Variants in GTPBP1 observed in about 807,000 individuals in gnomAD.
The protein encoded by GTPBP1 is GTP-binding protein 1.
In GTPBP1, 23 loss-of-function variants were observed where a neutral mutation model predicts 62.0. The ratio of observed to expected loss-of-function variants is 0.37; its 90% confidence interval spans 0.27 to 0.53. The LOEUF is 0.53. GTPBP1 is among the 20% of genes least tolerant of loss of function. The probability of loss-of-function intolerance (pLI) is 0.89; values close to 1 mark genes in which losing one functional copy is unlikely to be tolerated. For synonymous variants in GTPBP1, 344 were observed against 364.4 expected, an observed-to-expected ratio of 0.94 and a Z score of 0.64; for missense variants, 640 against 917.3, an observed-to-expected ratio of 0.70 and a Z score of 3.90.
intron 5 of GTPBP1, chr22:38,723,539 G>C: frequency 1.6e-6 from 1 of 623,242 alleles, no homozygotes; most frequent in Non-Finnish European, 2.9e-6. Context: ...CCTTTGTCTT[G>C]TACTTAGGTC....
downstream of GTPBP1, chr22:38,734,403 T>A (rs1603207318): frequency 2.5e-6 from 1 of 398,044 alleles, no homozygotes; most frequent in Admixed American, 3.1e-5. Context: ...GGTAGGTAAG[T>A]GTAACTTTTT....
intron 4 of GTPBP1, among the ~76,000 whole-genome samples, chr22:38,720,270 A>AG (rs1328943345): frequency 2.0e-5 from 3 of 151,874 alleles, no homozygotes; most frequent in Middle Eastern, 3.4e-3. Context: ...CCCAGGCTGG[A>AG]GTGCAATGGC....
chr22:38,723,058 A>T, intron 5 of GTPBP1: 2 of 781,720 alleles, frequency 2.6e-6, no homozygotes, highest in Non-Finnish European at 4.7e-6. Flanking sequence ...CCAAACCACC[A>T]TTATTTCTTG....
chr22:38,726,277 C>T lies in GTPBP1; in HGVS notation c.1238C>T (p.Ser413Leu). The part of the protein sequence containing the change: ...YSVPGVGTVV[S>L]GTTLRGLIKL... Reference sequence around the variant, plus strand: ...TGGCAGGGTGTGGGGACAGTGGTTTCGGGGACAACACTGAGAGGCCTGATC... The same window carrying T: ...TGGCAGGGTGTGGGGACAGTGGTTTTGGGGACAACACTGAGAGGCCTGATC... The change falls in exon 8 of 12, where the codon TCG (serine) becomes TTG (leucine). Residue 413 changes from serine (S) to leucine (L), a missense_variant. By Grantham distance (145) the Ser-to-Leu change is moderately radical. Transcript: ENST00000216044. The surrounding 1 kb of genome is among the most constrained non-coding windows in gnomAD (Gnocchi z 4.1). 6 of 1,613,860 alleles carry T rather than the reference C, an allele frequency of 3.7e-6. No homozygotes were observed. The highest frequency in any genetic ancestry group is 1.6e-4 in the Middle Eastern group (1 of 6,062).
At chr22:38,719,254 ACCTTGG>A (rs2145861297) in intron 4 of GTPBP1, among the ~76,000 whole-genome samples, 1 of 152,236 alleles carries the variant, frequency 6.6e-6, no homozygotes, top group East Asian at 1.9e-4. Flanking sequence ...CAATCTGCCC[ACCTTGG>A]CCTCCCAAAG....
chr22:38,720,537 C>T (rs1477229840), intron 4 of GTPBP1, among the ~76,000 whole-genome samples: 2 of 152,064 alleles, frequency 1.3e-5, no homozygotes, highest in Admixed American at 1.3e-4. Flanking sequence ...GCTGAACACT[C>T]ACCTCTTTTT....
downstream of GTPBP1, chr22:38,740,517 G>T: frequency 1.5e-6 from 2 of 1,375,608 alleles, no homozygotes; most frequent in Non-Finnish European, 1.9e-6. This position sits in a 1 kb window ranked among gnomAD's most constrained non-coding sequence, Gnocchi z 4.8. Flanking sequence ...ACCCCCTAGT[G>T]GGCTCCCGTC....
At chr22:38,713,455 T>TA (rs2092651620) in intron 2 of GTPBP1, among the ~76,000 whole-genome samples, 1 of 152,102 alleles carries the variant, frequency 6.6e-6, no homozygotes, top group African/African-American at 2.4e-5. Flanking sequence ...TCAGGTAGAA[T>TA]AACAGCCTGA....
intron 5 of GTPBP1, among the ~76,000 whole-genome samples, chr22:38,723,696 T>C (rs1418070008): frequency 6.6e-6 from 1 of 152,230 alleles, no homozygotes; most frequent in Admixed American, 6.5e-5. Flanking sequence ...TGGCACCTCT[T>C]TTCAGGTGAC....
downstream of GTPBP1, chr22:38,738,733 A>T: frequency 6.2e-7 from 1 of 1,613,592 alleles, no homozygotes. This position sits in a 1 kb window ranked among gnomAD's most constrained non-coding sequence, Gnocchi z 6.6. Flanking sequence ...AAGGCCCAGC[A>T]GTTGCCTGGG....
downstream of GTPBP1, chr22:38,741,038 G>A (rs143685496): frequency 6.3e-7 from 1 of 1,597,796 alleles, no homozygotes. Context: ...TGCTGGATGC[G>A]AGCCTCGGAC....
At chr22:38,707,132 A>T (rs115841959) in intron 1 of GTPBP1, among the ~76,000 whole-genome samples, 311 of 152,374 alleles carry the variant, frequency 2.0e-3, no homozygotes, top group Middle Eastern at 6.8e-3. Flanking sequence ...GACACCTAAT[A>T]GTGCCTGATG....
At chr22:38,711,291 C>G (rs1383900086) in intron 2 of GTPBP1, among the ~76,000 whole-genome samples, 1 of 152,148 alleles carries the variant, frequency 6.6e-6, no homozygotes, top group African/African-American at 2.4e-5. Flanking sequence ...AGAATACATT[C>G]TTAATGTTGA....
chr22:38,727,105 A>G lies in GTPBP1; in HGVS notation c.1402-108A>G, dbSNP rs1413590307. The G allele has an allele frequency of 9.2e-7, 1 of 1,088,820 alleles. No individual in the cohort carries two copies. Among genetic ancestry groups the G allele is most frequent in the African/African-American group, 1.6e-5 (1 of 60,978 alleles). 67.4% of individuals were successfully genotyped at this position (1,088,820 alleles called of 1,614,324 possible). On this transcript the variant is annotated intron_variant, in intron 8 of 11. Coordinates refer to ENST00000216044, the MANE Select transcript of GTPBP1 (RefSeq NM_004286.5). The surrounding 1 kb of genome is among the most constrained non-coding windows in gnomAD (Gnocchi z 6.5). ...GGTCCAGTTGGTGAGGAAACCAGGCAGAGTTGGGGTGGTCCCTATCCCTAG... is the reference window on the plus strand; with the variant it reads ...GGTCCAGTTGGTGAGGAAACCAGGCGGAGTTGGGGTGGTCCCTATCCCTAG...
At chr22:38,739,602 G>C, downstream of GTPBP1, 5 of 1,350,672 alleles carry the variant, frequency 3.7e-6, no homozygotes, top group South Asian at 6.5e-5. This position sits in a 1 kb window ranked among gnomAD's most constrained non-coding sequence, Gnocchi z 6.7. Context: ...AGCATGCAAA[G>C]CCTCCTGCTT....
downstream of GTPBP1, chr22:38,738,273 G>A (rs1444734742): frequency 6.2e-7 from 1 of 1,611,994 alleles, no homozygotes; most frequent in Non-Finnish European, 8.5e-7. This position sits in a 1 kb window ranked among gnomAD's most constrained non-coding sequence, Gnocchi z 6.6. Flanking sequence ...CCCCTGCAAA[G>A]AGAGCGGAGG....
At chr22:38,723,310 G>C (rs565165013) in intron 5 of GTPBP1, 1 of 846,564 alleles carries the variant, frequency 1.2e-6, no homozygotes. Flanking sequence ...CATGCTGGGC[G>C]ACAGCAGGTG....
chr22:38,714,038 G>A (rs367620235), intron 2 of GTPBP1, among the ~76,000 whole-genome samples: 5 of 152,222 alleles, frequency 3.3e-5, no homozygotes, highest in African/African-American at 4.8e-5. Context: ...AGACAAGAGC[G>A]GGGGACGGGG....
downstream of GTPBP1, chr22:38,738,115 A>C: frequency 6.6e-7 from 1 of 1,504,746 alleles, no homozygotes. This position sits in a 1 kb window ranked among gnomAD's most constrained non-coding sequence, Gnocchi z 6.6. Context: ...CCCAGGGAGC[A>C]CCTGCTGCCT....
Sources: allele counts gnomAD v4.1 joint callset (sites outside exome capture counted in the v4.1 genomes callset), GRCh38; gene constraint gnomAD v4.1.1; non-coding constraint Gnocchi (gnomAD v3.1); transcripts MANE v1.5; gene names NCBI Gene and HGNC (gene_info 2026-07-23, HGNC 2026-07-21).